Variants in CNTLN observed in about 807,000 individuals in gnomAD.
The protein encoded by CNTLN is centlein.
CNTLN carries 212 observed loss-of-function variants against 180.0 expected under a neutral mutation model. That is an observed-to-expected ratio of 1.18 (90% CI 1.05 to 1.32). The LOEUF (loss-of-function observed/expected upper bound fraction) is 1.32. Ranked by LOEUF, CNTLN falls within the 40% of genes most tolerant of loss-of-function variation. The pLI, the probability that CNTLN is intolerant of heterozygous loss-of-function variation, is 0.00. For synonymous variants in CNTLN, 722 were observed against 563.1 expected, an observed-to-expected ratio of 1.28 and a Z score of -3.99; for missense variants, 2,095 against 1,610.9, an observed-to-expected ratio of 1.30 and a Z score of -5.14.
chr9:17,191,484 T>C (rs1821785916), intron 2 of CNTLN, among the ~76,000 whole-genome samples: 1 of 152,224 alleles, frequency 6.6e-6, no homozygotes, highest in African/African-American at 2.4e-5. Flanking sequence ...CTGGGTACTA[T>C]GGGATTAACT....
chr9:17,258,681 G>A lies in CNTLN; in HGVS notation c.850-15052G>A, dbSNP rs970173241. ...GTGGTTTGTAGTTCTCCTTGAAGAG[G>A]TCCTTCACATCCCTTGTAATTTGGA... On this transcript the variant is annotated intron_variant, in intron 5 of 25. Transcript: ENST00000380647. Among the ~76,000 whole-genome samples the A allele has an allele frequency of 1.3e-4, 19 of 148,058 alleles. No homozygotes were observed. The East Asian group carries it at 1.6e-3, about 12-fold the overall frequency.
intron 7 of CNTLN, chr9:17,299,675 A>AT: frequency 2.0e-6 from 2 of 979,554 alleles, no homozygotes; most frequent in Non-Finnish European, 2.4e-6. Flanking sequence ...ATGGGGTGAC[A>AT]TTGCCCACTG....
chr9:17,484,594 T>C (rs1396678757), intron 24 of CNTLN, 114 bp downstream of exon 24: 7 of 816,896 alleles, frequency 8.6e-6, no homozygotes, highest in South Asian at 4.5e-5. Context: ...GTGTTAATGA[T>C]GGTAAGATGG....
At chr9:17,274,768 T>G (rs1186678195) in intron 6 of CNTLN, among the ~76,000 whole-genome samples, 2 of 152,118 alleles carry the variant, frequency 1.3e-5, no homozygotes, top group Non-Finnish European at 2.9e-5. Context: ...GGAATTTTCC[T>G]TCATGTTAGT....
At chr9:17,421,419 A>G (rs1051547428) in intron 18 of CNTLN, among the ~76,000 whole-genome samples, 4 of 152,038 alleles carry the variant, frequency 2.6e-5, no homozygotes, top group African/African-American at 9.7e-5. Flanking sequence ...ACTTCATGGA[A>G]TATCTTTTTC....
chr9:17,224,254 G>C (rs1824324570), intron 2 of CNTLN, among the ~76,000 whole-genome samples: 1 of 151,868 alleles, frequency 6.6e-6, no homozygotes, highest in Non-Finnish European at 1.5e-5. Flanking sequence ...CAGCAACTTG[G>C]TTTATTTTGT....
chr9:17,307,828 G>A (rs1029353821), intron 7 of CNTLN, among the ~76,000 whole-genome samples: 2 of 152,012 alleles, frequency 1.3e-5, no homozygotes, highest in African/African-American at 4.8e-5. Flanking sequence ...TTCTTCCCAT[G>A]AGGCAAGGCA....
At chr9:17,438,307 A>T (rs1030349948) in intron 18 of CNTLN, among the ~76,000 whole-genome samples, 2 of 152,198 alleles carry the variant, frequency 1.3e-5, no homozygotes, top group Non-Finnish European at 2.9e-5. Flanking sequence ...ATGATTAGGA[A>T]GAGATCTAGA....
intron 16 of CNTLN, among the ~76,000 whole-genome samples, chr9:17,412,975 A>G (rs1002288491): frequency 6.6e-6 from 1 of 152,206 alleles, no homozygotes; most frequent in Admixed American, 6.5e-5. Flanking sequence ...AAATTTTAGA[A>G]CTGAAAAATT....
chr9:17,136,071 A>G (rs190861912), intron 1 of CNTLN, among the ~76,000 whole-genome samples: 103 of 152,290 alleles, frequency 6.8e-4, no homozygotes, highest in African/African-American at 2.4e-3. Context: ...TGCTAAATCA[A>G]TTGCATTAAA....
At chr9:17,295,997 A>AGAGAGAGAGAGTGT (rs1342910465) in intron 6 of CNTLN, among the ~76,000 whole-genome samples, 1 of 91,288 alleles carries the variant, frequency 1.1e-5, no homozygotes, top group African/African-American at 5.9e-5. Context: ...AGAGAGAGAG[A>AGAGAGAGAGAGTGT]GTGTGTGTGT....
intron 6 of CNTLN, among the ~76,000 whole-genome samples, chr9:17,289,831 A>G: frequency 7.3e-6 from 1 of 137,314 alleles, no homozygotes; most frequent in Non-Finnish European, 1.5e-5. Flanking sequence ...TTGTTCACCT[A>G]GTTCTCGAGC....
intron 23 of CNTLN, among the ~76,000 whole-genome samples, chr9:17,471,893 T>G (rs1832058431): frequency 6.6e-6 from 1 of 152,056 alleles, no homozygotes; most frequent in African/African-American, 2.4e-5. Flanking sequence ...AAAGTAATGC[T>G]GAGACCCAAC....
chr9:17,178,706 C>G (rs1489514721), intron 2 of CNTLN, among the ~76,000 whole-genome samples: 3 of 152,072 alleles, frequency 2.0e-5, no homozygotes, highest in African/African-American at 7.2e-5. Context: ...CCACACCCAC[C>G]CGGAATTCAC....
At position 17,387,499 on chromosome 9, in the gene CNTLN, G is replaced by T. The variant is rs191850085; in HGVS notation, c.1988-663G>T. On this transcript the variant is annotated intron_variant, in intron 13 of 25. Transcript: ENST00000380647. ...ATGACTTTGTTTTTTCTTTAAGGTT[G>T]TTAAGTTACTTGTAGGTTTTGGCTT... 1.1e-3 allele frequency among the ~76,000 whole-genome samples: 172 copies of T among 152,162 alleles called. 1 individual carries two copies. The highest frequency in any genetic ancestry group is 1.9e-3 in the Admixed American group (29 of 15,260).
chr9:17,275,289 T>C lies in CNTLN; in HGVS notation c.983+1423T>C, dbSNP rs375682149. ...GTTTTACATGTACTTAGTTGAAATT[T>C]GCCTTTTTATAATTCCCACCCATTT... On this transcript the variant is annotated intron_variant, in intron 6 of 25. Transcript: ENST00000380647. Among the ~76,000 whole-genome samples, 10 of 152,260 alleles carry C rather than the reference T, an allele frequency of 6.6e-5. No homozygotes were observed. The East Asian group carries it at 1.9e-3, about 29-fold the overall frequency.
intron 10 of CNTLN, among the ~76,000 whole-genome samples, chr9:17,335,224 A>G (rs1820925926): frequency 6.6e-6 from 1 of 152,206 alleles, no homozygotes; most frequent in East Asian, 1.9e-4. Context: ...TGAAGATTAG[A>G]TAAAAAATTA....
chr9:17,292,167 T>C (rs11515075), intron 6 of CNTLN, among the ~76,000 whole-genome samples: 38,301 of 152,128 alleles, frequency 0.25, 4,973 homozygotes, highest in South Asian at 0.36. Flanking sequence ...CTGAGAAGTT[T>C]GCTGTTAGTC....
intron 8 of CNTLN, among the ~76,000 whole-genome samples, chr9:17,322,624 TC>T (rs1819996013): frequency 6.6e-6 from 1 of 152,096 alleles, no homozygotes; most frequent in African/African-American, 2.4e-5. Flanking sequence ...ATTTTTTTTT[TC>T]CTACTATTAT....
Sources: gnomAD v4.1 joint callset for allele counts (sites outside exome capture counted in the v4.1 genomes callset) on GRCh38, gnomAD v4.1.1 for gene constraint, MANE v1.5 for transcripts, NCBI Gene and HGNC (gene_info 2026-07-23, HGNC 2026-07-21) for gene names.